ARHGAP39: variants seen among roughly 807,000 people sequenced by gnomAD.
ARHGAP39 encodes the protein rho GTPase-activating protein 39.
ARHGAP39 carries 44 observed loss-of-function variants against 106.9 expected under a neutral mutation model. That is an observed-to-expected ratio of 0.41 (90% confidence interval 0.32 to 0.53). ARHGAP39 has a LOEUF of 0.53. Ranked by LOEUF, ARHGAP39 falls within the 20% of genes least tolerant of loss-of-function variation. The pLI is 0.21. For missense variants in ARHGAP39, 1,496 were observed against 1,577.3 expected (o/e 0.95, Z 0.87); for synonymous variants, 768 against 693.2 (o/e 1.11, Z -1.69).
rs1822349177 is a variant in ARHGAP39 at position 144,679,859 on chromosome 8, AGTC to A, written c.-82+5824_-82+5826del. On this transcript the variant is annotated intron_variant, in intron 1 of 11. Transcript: ENST00000377307. This position sits in a 1 kb window ranked among gnomAD's most constrained non-coding sequence, Gnocchi z 4.7. ...GCCGGGCATGGTGGTAGGCACCTGT[AGTC>A]CCAGTTACTTGGGAGGCTGAGGCAG... 6.6e-6 allele frequency among the ~76,000 whole-genome samples: 1 copy of A among 152,200 alleles called. No individual in the cohort carries two copies.
chr8:144,636,717 T>C (rs148789751), intron 1 of ARHGAP39, among the ~76,000 whole-genome samples: 29 of 152,328 alleles, frequency 1.9e-4, no homozygotes, highest in Non-Finnish European at 3.1e-4. Context: ...GTTCCCAGCC[T>C]TGGAGCATCG....
At chr8:144,653,056 G>A (rs745926743) in intron 1 of ARHGAP39, among the ~76,000 whole-genome samples, 21 of 152,148 alleles carry the variant, frequency 1.4e-4, no homozygotes, top group Admixed American at 2.6e-4. Flanking sequence ...CCAGCACTTT[G>A]GGAGGCTGAG....
intron 2 of ARHGAP39, among the ~76,000 whole-genome samples, chr8:144,593,310 C>A (rs146527052): frequency 6.6e-6 from 1 of 152,280 alleles, no homozygotes; most frequent in East Asian, 1.9e-4. Flanking sequence ...GAGACGTAGA[C>A]AAGGGTGTCG....
rs1295321689 is a variant in ARHGAP39 at position 144,644,954 on chromosome 8, G to A, written c.-81-39259C>T. Among the ~76,000 whole-genome samples the A allele has an allele frequency of 1.3e-5, 2 of 152,202 alleles. No individual in the cohort carries two copies. Among genetic ancestry groups the A allele is most frequent in the East Asian group, 1.9e-4 (1 of 5,192 alleles). On this transcript the variant is annotated intron_variant, in intron 1 of 11. Transcript: ENST00000377307. The surrounding 1 kb of genome is among the most constrained non-coding windows in gnomAD (Gnocchi z 4.8). ...CGTGCTGCCACACCCTGCCCAGTGC[G>A]CCCATTCAGGACAGAAGTCAGTCCT... is the stretch of plus-strand genomic sequence containing the variant.
intron 2 of ARHGAP39, among the ~76,000 whole-genome samples, chr8:144,602,532 G>A (rs558752056): frequency 7.5e-6 from 1 of 132,640 alleles, no homozygotes; most frequent in Admixed American, 8.0e-5. Context: ...GTGTGCTCGT[G>A]TACCTGTGTG....
At chr8:144,570,648 T>C (rs1183351294) in intron 3 of ARHGAP39, among the ~76,000 whole-genome samples, 1 of 152,144 alleles carries the variant, frequency 6.6e-6, no homozygotes, top group Admixed American at 6.5e-5. Context: ...ATTCTGCTAT[T>C]CTAGGAGGAG....
intron 1 of ARHGAP39, among the ~76,000 whole-genome samples, chr8:144,623,389 G>A (rs972434971): frequency 1.3e-5 from 2 of 152,210 alleles, no homozygotes; most frequent in Non-Finnish European, 2.9e-5. Context: ...AAGACTGTCA[G>A]CAAGATTTTA....
At chr8:144,687,761 CT>C (rs751962769), upstream of ARHGAP39, among the ~76,000 whole-genome samples, 94 of 25,160 alleles carry the variant, frequency 3.7e-3, no homozygotes, top group Admixed American at 8.2e-3. Flanking sequence ...CTTCCCACCC[CT>C]GTGACCACAC....
the ARHGAP39 span, among the ~76,000 whole-genome samples, chr8:144,695,146 C>T: frequency 7.0e-6 from 1 of 142,678 alleles, no homozygotes; most frequent in Admixed American, 7.2e-5. Context: ...GCTATCTCAG[C>T]TTACTGCAAG....
intron 1 of ARHGAP39, among the ~76,000 whole-genome samples, chr8:144,683,866 A>G (rs1282326421): frequency 1.3e-5 from 2 of 152,296 alleles, no homozygotes; most frequent in South Asian, 2.1e-4. Context: ...GACCCAGCAC[A>G]TGCACCCCGG....
chr8:144,671,003 CAT>C lies in ARHGAP39; in HGVS notation c.-82+14681_-82+14682del, dbSNP rs529090662. 1.3e-3 allele frequency among the ~76,000 whole-genome samples: 201 copies of C among 152,378 alleles called. No individual in the cohort carries two copies. Among genetic ancestry groups the C allele is most frequent in the Middle Eastern group, 6.8e-3 (2 of 294 alleles). ...CCACACCAGAGACCCCCACCACACACATGTGCTCACACTCAGGACACACAGTG... is the reference window on the plus strand; with the variant it reads ...CCACACCAGAGACCCCCACCACACACGTGCTCACACTCAGGACACACAGTG... On this transcript the variant is annotated intron_variant, in intron 1 of 11. Coordinates refer to ENST00000377307, the MANE Select transcript of ARHGAP39 (RefSeq NM_025251.3). This position sits in a 1 kb window ranked among gnomAD's most constrained non-coding sequence, Gnocchi z 4.5.
At chr8:144,619,310 G>A (rs954067545) in intron 1 of ARHGAP39, among the ~76,000 whole-genome samples, 10 of 152,248 alleles carry the variant, frequency 6.6e-5, no homozygotes, top group Admixed American at 2.0e-4. Flanking sequence ...CCCTCGCTCC[G>A]AGAAGCGCGG....
intron 4 of ARHGAP39, among the ~76,000 whole-genome samples, chr8:144,553,140 A>T (rs1431828096): frequency 6.6e-6 from 1 of 152,200 alleles, no homozygotes; most frequent in African/African-American, 2.4e-5. Context: ...GTGGGAGTCC[A>T]GGTTAGCTGA....
At chr8:144,654,029 G>T (rs1025950369) in intron 1 of ARHGAP39, among the ~76,000 whole-genome samples, 1 of 152,204 alleles carries the variant, frequency 6.6e-6, no homozygotes, top group Non-Finnish European at 1.5e-5. Flanking sequence ...AGCACTGAAA[G>T]GAGGAGACAG....
intron 1 of ARHGAP39, among the ~76,000 whole-genome samples, chr8:144,622,584 C>T (rs1418988069): frequency 1.3e-5 from 2 of 152,156 alleles, no homozygotes; most frequent in African/African-American, 2.4e-5. Context: ...CCCACAGCAC[C>T]GACAGGAGTC....
intron 6 of ARHGAP39, among the ~76,000 whole-genome samples, chr8:144,543,691 A>G (rs1586883780): frequency 6.6e-6 from 1 of 152,370 alleles, no homozygotes; most frequent in Non-Finnish European, 1.5e-5. Flanking sequence ...AGGCACAAGG[A>G]CAAAGGCACA....
intron 1 of ARHGAP39, among the ~76,000 whole-genome samples, chr8:144,653,974 C>T (rs562761863): frequency 2.6e-5 from 4 of 152,328 alleles, no homozygotes; most frequent in South Asian, 4.1e-4. Context: ...CGGACAGAGC[C>T]GCGCCGTCTG....
At chr8:144,530,957 G>A in intron 10 of ARHGAP39, 86 bp from the exon 11 acceptor site, 1 of 1,464,542 alleles carries the variant, frequency 6.8e-7, no homozygotes, top group Non-Finnish European at 9.1e-7. Context: ...TGCATGGAGG[G>A]GTGCTGTGGG....
intron 1 of ARHGAP39, among the ~76,000 whole-genome samples, chr8:144,638,689 C>T (rs1056982720): frequency 1.3e-5 from 2 of 152,222 alleles, no homozygotes; most frequent in Admixed American, 1.3e-4. Flanking sequence ...TTGTTTTCTG[C>T]TCATCTTCAT....
Sources: gnomAD v4.1 joint callset for allele counts (sites outside exome capture counted in the v4.1 genomes callset) on GRCh38, gnomAD v4.1.1 for gene constraint, Gnocchi (gnomAD v3.1) non-coding constraint, MANE v1.5 for transcripts, NCBI Gene and HGNC (gene_info 2026-07-23, HGNC 2026-07-21) for gene names.